SECISBP2: variants seen among roughly 807,000 people sequenced by gnomAD.
SECISBP2 encodes the protein SECIS binding protein 2.
SECISBP2 carries 96 observed loss-of-function variants against 98.2 expected under a neutral mutation model. The observed-to-expected ratio is 0.98, with a 90% CI of 0.83 to 1.16. SECISBP2 has a LOEUF of 1.16. SECISBP2 is among the 50% of genes most tolerant of loss of function. The pLI, the probability that SECISBP2 is intolerant of heterozygous loss-of-function variation, is 0.00. For missense variants in SECISBP2, 1,046 were observed against 1,022.9 expected, an observed-to-expected ratio of 1.02 and a Z score of -0.31; for synonymous variants, 407 against 370.2, an observed-to-expected ratio of 1.10 and a Z score of -1.14.
intron 4 of SECISBP2, among the ~76,000 whole-genome samples, chr9:89,327,159 G>A (rs1478555964): frequency 6.7e-6 from 1 of 149,248 alleles, no homozygotes; most frequent in Non-Finnish European, 1.5e-5. Context: ...GCGAGACTCC[G>A]TCTCCAAAAA....
At chr9:89,348,900 A>T (rs923291680) in intron 12 of SECISBP2, among the ~76,000 whole-genome samples, 2 of 152,280 alleles carry the variant, frequency 1.3e-5, no homozygotes, top group African/African-American at 4.8e-5. Context: ...GGACGAATGT[A>T]CAGGGTTGCG....
rs990271311 is a variant in SECISBP2 at position 89,345,435 on chromosome 9, A to T, written c.1436-1447A>T. 3.3e-5 allele frequency among the ~76,000 whole-genome samples: 5 copies of T among 152,360 alleles called. No homozygotes were observed. The East Asian group carries it at 7.7e-4, about 23-fold the overall frequency. On this transcript the variant is annotated intron_variant, in intron 10 of 16. Coordinates refer to ENST00000375807, the MANE Select transcript of SECISBP2 (RefSeq NM_024077.5). ...AGAGACTCTGGGAAAAGCCTCAGAC[A>T]GGAGTGTCCACACCTATACTGTTCC... is the stretch of plus-strand genomic sequence containing the variant.
the SECISBP2 span, among the ~76,000 whole-genome samples, chr9:89,366,214 G>T: frequency 6.6e-6 from 1 of 152,248 alleles, no homozygotes; most frequent in Non-Finnish European, 1.5e-5. Context: ...ATGTATACAT[G>T]TGTGAACGTA....
At chr9:89,357,887 A>C in intron 15 of SECISBP2, 112 bp from the exon 16 acceptor site, 13 of 1,195,620 alleles carry the variant, frequency 1.1e-5, no homozygotes, top group Non-Finnish European at 1.5e-5. Flanking sequence ...CATGAGGTCC[A>C]CATTACCCCA....
chr9:89,324,045 A>G (rs1186569103), intron 2 of SECISBP2: 1 of 152,066 alleles, frequency 6.6e-6, no homozygotes. Context: ...TCATTTATCT[A>G]TTTATTGGAC....
chr9:89,335,858 A>G (rs1828578772), intron 7 of SECISBP2, among the ~76,000 whole-genome samples: 1 of 152,196 alleles, frequency 6.6e-6, no homozygotes, highest in South Asian at 2.1e-4. Context: ...AAACGTTGGC[A>G]TAAGTTTATG....
Position 89,319,789 on chromosome 9 carries a change from A to G in SECISBP2, c.174A>G (p.Pro58=), listed in dbSNP as rs138380737. 165 of 1,614,014 alleles carry G rather than the reference A, an allele frequency of 1.0e-4. No individual in the cohort carries two copies. Among genetic ancestry groups the G allele is most frequent in the Non-Finnish European group, 1.2e-4 (138 of 1,179,904 alleles). The change falls in exon 2 of 17, where the codon CCA becomes CCG. Residue 58 remains proline, a synonymous_variant. Coordinates refer to ENST00000375807, the MANE Select transcript of SECISBP2 (RefSeq NM_024077.5). ...ATYYPFVQEP[P]VTEQKIYTED... ...ACTATCCGTTTGTTCAGGAACCACCAGTGACAGAGTATGTATCTTTCTAAA... is the reference window on the plus strand; with the variant it reads ...ACTATCCGTTTGTTCAGGAACCACCGGTGACAGAGTATGTATCTTTCTAAA...
At chr9:89,364,221 C>G (rs1195550650), downstream of SECISBP2, 1 of 582,168 alleles carries the variant, frequency 1.7e-6, no homozygotes, top group Non-Finnish European at 2.9e-6. Flanking sequence ...CCCTAGGACC[C>G]CCTTTCTTGC....
At chr9:89,363,990 A>C, downstream of SECISBP2, 1 of 1,613,858 alleles carries the variant, frequency 6.2e-7, no homozygotes, top group Non-Finnish European at 8.5e-7. Flanking sequence ...GTCCACATTT[A>C]GGACCCAAAG....
chr9:89,328,680 G>GACAGGAA lies in SECISBP2; in HGVS notation c.597_603dup (p.Ser202GlnfsTer16). ...TACAGATGGTTACCATAAGCGAACA[G>GACAGGAA]ACAGGAAATCCAGAATCATTGCAAA... On this transcript the variant is annotated frameshift_variant, in exon 5 of 17. Coordinates refer to ENST00000375807, the MANE Select transcript of SECISBP2 (RefSeq NM_024077.5). LOFTEE classifies it high-confidence loss of function. 6.2e-7 allele frequency: 1 copy of GACAGGAA among 1,614,012 alleles called. No individual in the cohort carries two copies. The highest frequency in any genetic ancestry group is 8.5e-7 in the Non-Finnish European group (1 of 1,179,872).
chr9:89,354,551 GCA>G (rs1831774093), intron 14 of SECISBP2, among the ~76,000 whole-genome samples: 1 of 152,170 alleles, frequency 6.6e-6, no homozygotes, highest in African/African-American at 2.4e-5. Flanking sequence ...CCTCTGCCTA[GCA>G]CACACAAAGT....
intron 2 of SECISBP2, among the ~76,000 whole-genome samples, chr9:89,321,645 A>G (rs189952409): frequency 6.6e-6 from 1 of 152,048 alleles, no homozygotes; most frequent in Admixed American, 6.6e-5. Flanking sequence ...CAGCCTGGGC[A>G]ACAGAACAAG....
At chr9:89,357,937 T>A (rs1320130110) in intron 15 of SECISBP2, 62 bp from the exon 16 acceptor site, 1 of 1,580,780 alleles carries the variant, frequency 6.3e-7, no homozygotes, top group Non-Finnish European at 8.6e-7. Flanking sequence ...CATTGCTGAG[T>A]TTGAGGGACC....
downstream of SECISBP2, chr9:89,363,335 A>G (rs1327823720): frequency 1.3e-6 from 2 of 1,552,802 alleles, no homozygotes; most frequent in Non-Finnish European, 1.7e-6. Context: ...AGTGGGGTCC[A>G]TGCTGAATGG....
At position 89,327,804 on chromosome 9, in the gene SECISBP2, C is replaced by T. The variant is rs902008520; in HGVS notation, c.575-856C>T. ...CTTTATACTTAAGTTTTTCTTTTGT[C>T]GTTTTGTGTTTTTTTTTTTTTTTTG... On this transcript the variant is annotated intron_variant, in intron 4 of 16. Transcript: ENST00000375807. 6.0e-5 allele frequency among the ~76,000 whole-genome samples: 9 copies of T among 149,514 alleles called. No individual in the cohort carries two copies. In the East Asian group the frequency reaches 1.6e-3, roughly 26 times the overall value.
intron 1 of SECISBP2, chr9:89,319,110 T>C (rs1825232202): frequency 5.4e-6 from 5 of 930,694 alleles, no homozygotes; most frequent in Non-Finnish European, 6.5e-6. Flanking sequence ...GAAAGAAATC[T>C]TAGTGAATTG....
intron 4 of SECISBP2, 121 bp from the exon 5 acceptor site, chr9:89,328,539 G>A: frequency 1.3e-6 from 1 of 760,660 alleles, no homozygotes; most frequent in Non-Finnish European, 2.3e-6. Flanking sequence ...GAGTTACGGT[G>A]TTTTGACAAC....
In SECISBP2 at chr9:89,347,021, G is replaced by A. The variant is rs147452931; in HGVS notation, c.1575G>A (p.Lys525=). ...AAGGGAAGCAGAGGGAGATCCCCAA[G>A]GCCAAGAAGCCAACCTCACTGAAGA... ...MKKGKQREIP[K]AKKPTSLKKI... is the part of the protein sequence containing the mutation. The change falls in exon 11 of 17, where the codon AAG becomes AAA. Residue 525 remains lysine (K), a synonymous_variant. Transcript: ENST00000375807. 6.0e-4 allele frequency: 973 copies of A among 1,614,172 alleles called. 3 individuals carry two copies. The highest frequency in any genetic ancestry group is 6.9e-4 in the Non-Finnish European group (818 of 1,180,006).
At chr9:89,335,935 G>A (rs1301927183) in intron 7 of SECISBP2, among the ~76,000 whole-genome samples, 1 of 152,044 alleles carries the variant, frequency 6.6e-6, no homozygotes, top group Non-Finnish European at 1.5e-5. Flanking sequence ...GCTTTTACCA[G>A]TACAAGAGTA....
Sources: gnomAD v4.1 joint callset for allele counts (sites outside exome capture counted in the v4.1 genomes callset) on GRCh38, gnomAD v4.1.1 for gene constraint, MANE v1.5 for transcripts, NCBI Gene and HGNC (gene_info 2026-07-23, HGNC 2026-07-21) for gene names.